The following FGF14 variants were observed in gnomAD, a reference collection of about 807,000 sequenced individuals.
FGF14 encodes the protein fibroblast growth factor homologous factor 4.
FGF14 carries 5 observed loss-of-function variants against 25.5 expected under a neutral mutation model. That is an observed-to-expected ratio of 0.20 (90% CI 0.10 to 0.41). FGF14 has a LOEUF of 0.41. FGF14 is among the 10% of genes least tolerant of loss of function. FGF14 has a pLI of 1.00. For missense variants in FGF14, 222 were observed against 320.1 expected (o/e 0.69, Z 2.34); for synonymous variants, 138 against 118.3 (o/e 1.17, Z -1.08).
chr13:101,915,366 A>G (rs1409709341), intron 1 of FGF14, among the ~76,000 whole-genome samples: 1 of 152,234 alleles, frequency 6.6e-6, no homozygotes, highest in East Asian at 1.9e-4. Context: ...ATTTAAAACA[A>G]ATACAGCTGG....
chr13:102,067,445 G>A (rs1329746575), intron 1 of FGF14, among the ~76,000 whole-genome samples: 3 of 151,436 alleles, frequency 2.0e-5, no homozygotes, highest in Admixed American at 6.6e-5. Flanking sequence ...AAAATATATT[G>A]AGCTTCCCAT....
chr13:101,875,401 G>A, intron 1 of FGF14, 105 bp from the exon 2 acceptor site: 2 of 773,014 alleles, frequency 2.6e-6, no homozygotes, highest in South Asian at 1.5e-5. Context: ...TTTTATACAA[G>A]TAGCATATTT....
intron 1 of FGF14, among the ~76,000 whole-genome samples, chr13:101,880,836 TTC>T (rs752343924): frequency 1.3e-5 from 2 of 152,166 alleles, no homozygotes; most frequent in Admixed American, 6.5e-5. Context: ...CGAATTCACT[TTC>T]TGTTTTGTTT....
intron 1 of FGF14, among the ~76,000 whole-genome samples, chr13:101,885,383 G>A: frequency 6.6e-6 from 1 of 152,076 alleles, no homozygotes; most frequent in East Asian, 1.9e-4. Flanking sequence ...GAGGCGAGGT[G>A]ATTCAGAAAC....
intron 1 of FGF14, among the ~76,000 whole-genome samples, chr13:102,379,419 C>G (rs2058125433): frequency 6.6e-6 from 1 of 151,672 alleles, no homozygotes; most frequent in Admixed American, 6.6e-5. Flanking sequence ...CACATACACA[C>G]ACACACACAC....
At chr13:101,815,817 G>A (rs2041814861) in intron 3 of FGF14, among the ~76,000 whole-genome samples, 1 of 152,106 alleles carries the variant, frequency 6.6e-6, no homozygotes, top group South Asian at 2.1e-4. Context: ...AGTCAAGAAT[G>A]ATATGAGGAA....
At chr13:102,132,594 T>C (rs919991932) in intron 1 of FGF14, among the ~76,000 whole-genome samples, 3 of 151,692 alleles carry the variant, frequency 2.0e-5, no homozygotes, top group Middle Eastern at 3.2e-3. Context: ...CTCTGCCTCC[T>C]GGGTTCAAGC....
chr13:101,906,200 A>C (rs1421969007), intron 1 of FGF14, among the ~76,000 whole-genome samples: 1 of 152,208 alleles, frequency 6.6e-6, no homozygotes, highest in East Asian at 1.9e-4. Flanking sequence ...GTTTGGCCTC[A>C]GCATGAAATT....
At chr13:101,874,142 G>A (rs1311127603) in intron 2 of FGF14, among the ~76,000 whole-genome samples, 2 of 152,020 alleles carry the variant, frequency 1.3e-5, no homozygotes, top group African/African-American at 4.8e-5. Context: ...GCCAGAATCA[G>A]TGTTACTGGC....
intron 1 of FGF14, among the ~76,000 whole-genome samples, chr13:102,244,716 A>G (rs2051774539): frequency 4.6e-5 from 7 of 152,056 alleles, no homozygotes; most frequent in Admixed American, 4.6e-4. Flanking sequence ...AGTAAAGAAT[A>G]TTGAAAATGC....
chr13:101,753,676 G>T (rs2037453528), intron 3 of FGF14, among the ~76,000 whole-genome samples: 1 of 152,024 alleles, frequency 6.6e-6, no homozygotes, highest in African/African-American at 2.4e-5. Flanking sequence ...GGTGGCGCAT[G>T]CCTGTAATCC....
intron 1 of FGF14, among the ~76,000 whole-genome samples, chr13:102,156,688 T>G (rs1021595281): frequency 1.2e-4 from 19 of 152,098 alleles, no homozygotes; most frequent in East Asian, 3.9e-4. Context: ...AGGAAATAAA[T>G]GGTATTCAAT....
At chr13:101,962,047 CTT>C (rs34924382) in intron 1 of FGF14, among the ~76,000 whole-genome samples, 3 of 151,620 alleles carry the variant, frequency 2.0e-5, no homozygotes, top group African/African-American at 2.4e-5. Context: ...TTTATACAGG[CTT>C]TTTTTTGGCT....
intron 1 of FGF14, among the ~76,000 whole-genome samples, chr13:102,275,240 C>T (rs190961035): frequency 0.012 from 1,097 of 92,540 alleles, 14 homozygotes; most frequent in African/African-American, 0.051. Context: ...AGATTTCTCT[C>T]TCTCTCTCTC....
At chr13:102,148,059 T>G (rs993610358) in intron 1 of FGF14, among the ~76,000 whole-genome samples, 1 of 152,212 alleles carries the variant, frequency 6.6e-6, no homozygotes, top group African/African-American at 2.4e-5. Flanking sequence ...TAAAATGTTT[T>G]GCCAAGCATA....
upstream of FGF14, chr13:102,402,090 A>C: frequency 5.3e-6 from 1 of 188,404 alleles, no homozygotes; most frequent in South Asian, 1.1e-4. Context: ...AAAAGAAAAA[A>C]AAAGAAAAAA....
intron 1 of FGF14, among the ~76,000 whole-genome samples, chr13:102,223,101 G>T (rs1190407188): frequency 6.6e-6 from 1 of 152,096 alleles, no homozygotes; most frequent in Non-Finnish European, 1.5e-5. Flanking sequence ...CCAAATATAG[G>T]TTTCAAATTA....
At chr13:102,200,278 C>G (rs1173683238) in intron 1 of FGF14, among the ~76,000 whole-genome samples, 1 of 152,062 alleles carries the variant, frequency 6.6e-6, no homozygotes, top group East Asian at 1.9e-4. Flanking sequence ...TTTGTATACC[C>G]ACATATAATA....
intron 1 of FGF14, among the ~76,000 whole-genome samples, chr13:102,074,217 T>C (rs1478540549): frequency 6.6e-6 from 1 of 152,216 alleles, no homozygotes; most frequent in Admixed American, 6.5e-5. Context: ...TCTCACTATG[T>C]TGCCCAGGCT....
Sources: gnomAD v4.1 joint callset for allele counts (sites outside exome capture counted in the v4.1 genomes callset) on GRCh38, gnomAD v4.1.1 for gene constraint, MANE v1.5 for transcripts, NCBI Gene and HGNC (gene_info 2026-07-23, HGNC 2026-07-21) for gene names.